The following POC1B variants were observed in gnomAD, a reference collection of about 807,000 sequenced individuals.
POC1B encodes the protein POC1 centriolar protein B.
A neutral mutation model predicts 60.6 loss-of-function variants in POC1B; 44 were observed. The ratio of observed to expected loss-of-function variants is 0.73; its 90% CI spans 0.57 to 0.93. The LOEUF is 0.93. POC1B is among the 40% of genes least tolerant of loss of function. POC1B has a pLI of 0.00. For missense variants in POC1B, 555 were observed against 572.3 expected, an observed-to-expected ratio of 0.97 and a Z score of 0.31; for synonymous variants, 180 against 198.9, an observed-to-expected ratio of 0.90 and a Z score of 0.80.
chr12:89,434,094 T>A (rs563022538), intron 10 of POC1B, among the ~76,000 whole-genome samples: 1 of 152,342 alleles, frequency 6.6e-6, no homozygotes, highest in African/African-American at 2.4e-5. Context: ...AAAGTATGAC[T>A]AGGATATAAT....
chr12:89,514,402 C>CATTTTTTTTTTTTTTT (rs1870340777), intron 2 of POC1B, among the ~76,000 whole-genome samples: 1 of 67,088 alleles, frequency 1.5e-5, no homozygotes, highest in Non-Finnish European at 2.6e-5. Context: ...TCATGTATTT[C>CATTTTTTTTTTTTTTT]TTTTTTTTTT....
chr12:89,525,530 G>C, intron 1 of POC1B: 1 of 1,305,588 alleles, frequency 7.7e-7, no homozygotes, highest in Non-Finnish European at 9.7e-7. Flanking sequence ...GCAGGTGCGA[G>C]GATGCGCCTC....
chr12:89,522,496 A>G (rs1870969152), intron 2 of POC1B: 1 of 343,630 alleles, frequency 2.9e-6, no homozygotes, highest in Non-Finnish European at 5.2e-6. Context: ...GGACCTTTAC[A>G]TTCTTTAATA....
At chr12:89,474,076 G>T (rs1234386215) in intron 4 of POC1B, among the ~76,000 whole-genome samples, 2 of 151,924 alleles carry the variant, frequency 1.3e-5, no homozygotes, top group African/African-American at 4.8e-5. Flanking sequence ...CATGGTGGCA[G>T]GTGCCTGTAA....
chr12:89,523,072 T>G (rs762227102), intron 2 of POC1B: 5 of 1,613,740 alleles, frequency 3.1e-6, no homozygotes, highest in African/African-American at 2.7e-5. Flanking sequence ...AAACCTTATT[T>G]CTTTGTTTGA....
chr12:89,463,744 GC>G (rs1882568483), intron 9 of POC1B, among the ~76,000 whole-genome samples: 1 of 152,140 alleles, frequency 6.6e-6, no homozygotes, highest in Non-Finnish European at 1.5e-5. Flanking sequence ...GATATTTCAT[GC>G]CTTCTTTCAT....
At chr12:89,462,668 T>C (rs1724242030) in intron 9 of POC1B, among the ~76,000 whole-genome samples, 1 of 152,206 alleles carries the variant, frequency 6.6e-6, no homozygotes, top group Admixed American at 6.5e-5. Context: ...TTTGTTTATA[T>C]TGAAGCATTA....
At chr12:89,460,071 G>A (rs1319327998) in intron 9 of POC1B, 2 of 354,136 alleles carry the variant, frequency 5.6e-6, no homozygotes, top group Non-Finnish European at 1.1e-5. Context: ...GAAATAAAAG[G>A]TATTAAGATA....
intron 3 of POC1B, 132 bp downstream of exon 3, chr12:89,497,039 C>G: frequency 2.2e-6 from 2 of 904,932 alleles, no homozygotes; most frequent in Admixed American, 2.5e-5. Flanking sequence ...TTGACTTTAC[C>G]ACAAGGGCAG....
chr12:89,402,440 G>A, the POC1B span, among the ~76,000 whole-genome samples: 1 of 151,858 alleles, frequency 6.6e-6, no homozygotes, highest in African/African-American at 2.4e-5. Context: ...ACCTATGTAC[G>A]GGGGGTTGTT....
At chr12:89,450,275 T>C (rs1270238726) in intron 10 of POC1B, among the ~76,000 whole-genome samples, 1 of 152,092 alleles carries the variant, frequency 6.6e-6, no homozygotes, top group African/African-American at 2.4e-5. Context: ...TGGCACGATC[T>C]TGGCTCACTG....
At chr12:89,446,188 C>A (rs1881777836) in intron 10 of POC1B, among the ~76,000 whole-genome samples, 1 of 152,194 alleles carries the variant, frequency 6.6e-6, no homozygotes, top group African/African-American at 2.4e-5. Context: ...TTGTGGAAGA[C>A]AGTGTGGCGA....
intron 2 of POC1B, chr12:89,520,322 G>A (rs1205306671): frequency 6.6e-6 from 1 of 152,030 alleles, no homozygotes; most frequent in Non-Finnish European, 1.5e-5. Flanking sequence ...AATGTAATAA[G>A]TACTTTCAAA....
intron 10 of POC1B, among the ~76,000 whole-genome samples, chr12:89,435,634 T>C (rs1234834524): frequency 2.0e-5 from 3 of 152,214 alleles, no homozygotes; most frequent in African/African-American, 4.8e-5. Flanking sequence ...CCTCCTTTCT[T>C]ATTTTGCTGG....
intron 6 of POC1B, among the ~76,000 whole-genome samples, chr12:89,471,050 T>C (rs116427763): frequency 0.017 from 2,604 of 152,304 alleles, 86 homozygotes; most frequent in African/African-American, 0.059. Context: ...CCTATTTAAA[T>C]CTCAATTTCC....
intron 4 of POC1B, among the ~76,000 whole-genome samples, chr12:89,475,009 GGTA>G (rs1344237584): frequency 1.3e-5 from 2 of 152,106 alleles, no homozygotes; most frequent in African/African-American, 4.8e-5. Context: ...CACTGCTGTG[GGTA>G]GTAGGAATAT....
intron 4 of POC1B, chr12:89,472,682 G>A (rs768804333): frequency 3.9e-5 from 6 of 154,198 alleles, no homozygotes; most frequent in African/African-American, 9.7e-5. Flanking sequence ...TTACTCATCC[G>A]ACCAAGCTTG....
chr12:89,424,369 T>C lies in POC1B; in HGVS notation c.1332+792A>G, dbSNP rs79371315. On this transcript the variant is annotated intron_variant, in intron 11 of 11. Transcript: ENST00000313546. Reference sequence around the variant, plus strand: ...TAATGATTATAATGTACAGTCAGGGTTGAGAACCAGTTGGGTGATTTCTAT... The same window carrying C: ...TAATGATTATAATGTACAGTCAGGGCTGAGAACCAGTTGGGTGATTTCTAT... Among the ~76,000 whole-genome samples, 1,053 of 152,288 alleles carry C rather than the reference T, an allele frequency of 6.9e-3. 17 individuals are homozygous for C. Among genetic ancestry groups the C allele is most frequent in the African/African-American group, 0.025 (1,023 of 41,548 alleles).
intron 2 of POC1B, among the ~76,000 whole-genome samples, chr12:89,515,672 A>G (rs1227257942): frequency 6.6e-6 from 1 of 152,138 alleles, no homozygotes; most frequent in Non-Finnish European, 1.5e-5. Context: ...CATTCTGAGG[A>G]TCTTGTCACC....
Sources: allele counts gnomAD v4.1 joint callset (sites outside exome capture counted in the v4.1 genomes callset), GRCh38; gene constraint gnomAD v4.1.1; transcripts MANE v1.5; gene names NCBI Gene and HGNC (gene_info 2026-07-23, HGNC 2026-07-21).